The following GALNT17 variants were observed in gnomAD, a reference collection of about 807,000 sequenced individuals.
The protein encoded by GALNT17 is UDP-GalNAc:polypeptide N-acetylgalactosaminyltransferase-like 3.
A neutral mutation model predicts 63.7 loss-of-function variants in GALNT17; 29 were observed. The ratio of observed to expected loss-of-function variants is 0.46; its 90% CI spans 0.34 to 0.62. The LOEUF (loss-of-function observed/expected upper bound fraction) is 0.62, where lower values mean the gene tolerates loss of function less well. GALNT17 is among the 20% of genes least tolerant of loss of function. The pLI is 0.01. For synonymous variants in GALNT17, 305 were observed against 318.3 expected, an observed-to-expected ratio of 0.96 and a Z score of 0.45; for missense variants, 603 against 799.6, an observed-to-expected ratio of 0.75 and a Z score of 2.97.
Position 71,587,468 on chromosome 7 carries a change from TTTG to T in GALNT17, c.1080+16073_1080+16075del, listed in dbSNP as rs550467428. On this transcript the variant is annotated intron_variant, in intron 6 of 10. Coordinates refer to ENST00000333538, the MANE Select transcript of GALNT17 (RefSeq NM_022479.3). ...ATTTTTAAACATCATGTTTTTTCAT[TTTG>T]TTGTTGATTTCCAGGGGTCTGTGGT... Among the ~76,000 whole-genome samples, 307 of 152,278 alleles carry T rather than the reference TTTG, an allele frequency of 2.0e-3. 3 individuals carry two copies. Among genetic ancestry groups the T allele is most frequent in the Admixed American group, 5.0e-3 (77 of 15,288 alleles).
chr7:71,211,908 A>G (rs1376555462), intron 1 of GALNT17, among the ~76,000 whole-genome samples: 1 of 152,210 alleles, frequency 6.6e-6, no homozygotes, highest in Non-Finnish European at 1.5e-5. Flanking sequence ...TGAGTTTTAT[A>G]AGGGAAACAG....
intron 6 of GALNT17, among the ~76,000 whole-genome samples, chr7:71,650,653 T>G (rs754017262): frequency 6.6e-6 from 1 of 152,202 alleles, no homozygotes; most frequent in South Asian, 2.1e-4. Context: ...AATTCACTAT[T>G]CTTTTATAGT....
chr7:71,704,575 A>G (rs1791696570), intron 9 of GALNT17, among the ~76,000 whole-genome samples: 2 of 151,754 alleles, frequency 1.3e-5, no homozygotes, highest in South Asian at 4.2e-4. Context: ...AACAGTATTG[A>G]AAAAGAACAA....
chr7:71,467,612 C>T (rs1376020118), intron 5 of GALNT17, among the ~76,000 whole-genome samples: 2 of 151,986 alleles, frequency 1.3e-5, no homozygotes, highest in Non-Finnish European at 2.9e-5. Flanking sequence ...GGAGTAATTT[C>T]TGCATGTGAA....
chr7:71,186,254 C>T (rs1788849031), intron 1 of GALNT17, among the ~76,000 whole-genome samples: 1 of 152,160 alleles, frequency 6.6e-6, no homozygotes, highest in South Asian at 2.1e-4. Flanking sequence ...TCTCTACTCC[C>T]CTTTCCCCTT....
At chr7:71,469,183 A>G (rs187031475) in intron 5 of GALNT17, among the ~76,000 whole-genome samples, 190 of 152,266 alleles carry the variant, frequency 1.2e-3, no homozygotes, top group African/African-American at 4.1e-3. Flanking sequence ...TGGAAGGCCA[A>G]TGACTGCAAG....
At chr7:71,419,185 T>G (rs78648404) in intron 4 of GALNT17, among the ~76,000 whole-genome samples, 1,646 of 152,336 alleles carry the variant, frequency 0.011, 33 homozygotes, top group African/African-American at 0.038. Flanking sequence ...TTCTAATGCA[T>G]GATCTGGACT....
chr7:71,571,194 G>C, intron 5 of GALNT17, 91 bp from the exon 6 acceptor site: 1 of 1,110,778 alleles, frequency 9.0e-7, no homozygotes, highest in Non-Finnish European at 1.4e-6. Flanking sequence ...GTACATGCTA[G>C]ACCGGAACCA....
At chr7:71,377,114 A>AAAAAAAAATAT in intron 2 of GALNT17, among the ~76,000 whole-genome samples, 13 of 57,460 alleles carry the variant, frequency 2.3e-4, no homozygotes, top group African/African-American at 5.6e-4. Context: ...AAATAAAAAA[A>AAAAAAAAATAT]ATATATATAT....
chr7:71,548,322 T>C (rs935736035), intron 5 of GALNT17, among the ~76,000 whole-genome samples: 2 of 152,146 alleles, frequency 1.3e-5, no homozygotes, highest in African/African-American at 4.8e-5. Context: ...TGCATTCCTG[T>C]CACACTGTGC....
At chr7:71,194,297 A>G (rs1202658) in intron 1 of GALNT17, among the ~76,000 whole-genome samples, 56,449 of 152,090 alleles carry the variant, frequency 0.37, 12,622 homozygotes, top group African/African-American at 0.61. Context: ...CACTGAGCTT[A>G]GACTGTGGTC....
At chr7:71,596,847 T>C (rs1227657214) in intron 6 of GALNT17, among the ~76,000 whole-genome samples, 5 of 151,968 alleles carry the variant, frequency 3.3e-5, no homozygotes, top group Non-Finnish European at 5.9e-5. Flanking sequence ...GAGTTTGGGC[T>C]GGAGGAGACC....
At chr7:71,698,123 CAA>C (rs10708106) in intron 9 of GALNT17, among the ~76,000 whole-genome samples, 15 of 107,712 alleles carry the variant, frequency 1.4e-4, no homozygotes, top group South Asian at 2.9e-4. Context: ...GACTCTGTCT[CAA>C]AAAAAAAAAA....
At chr7:71,689,691 T>A (rs1791412410) in intron 9 of GALNT17, among the ~76,000 whole-genome samples, 1 of 152,224 alleles carries the variant, frequency 6.6e-6, no homozygotes, top group African/African-American at 2.4e-5. Flanking sequence ...AAGATCTAGC[T>A]AAACTCATTG....
chr7:71,591,816 C>T (rs1789806399), intron 6 of GALNT17, among the ~76,000 whole-genome samples: 1 of 151,996 alleles, frequency 6.6e-6, no homozygotes, highest in African/African-American at 2.4e-5. Context: ...GCGCATGCCA[C>T]CACGCCCAGC....
chr7:71,486,679 G>A (rs975626937), intron 5 of GALNT17, among the ~76,000 whole-genome samples: 10 of 151,086 alleles, frequency 6.6e-5, no homozygotes, highest in Non-Finnish European at 1.2e-4. Flanking sequence ...AACATAGTGA[G>A]ATCCCATCTC....
chr7:71,573,260 T>C (rs1185519153), intron 6 of GALNT17, among the ~76,000 whole-genome samples: 1 of 152,108 alleles, frequency 6.6e-6, no homozygotes, highest in African/African-American at 2.4e-5. Flanking sequence ...TCTTCCCGCC[T>C]CGGCCTCCCA....
At chr7:71,296,137 T>G (rs1234021687) in intron 1 of GALNT17, among the ~76,000 whole-genome samples, 1 of 152,170 alleles carries the variant, frequency 6.6e-6, no homozygotes, top group Non-Finnish European at 1.5e-5. Flanking sequence ...TGGGCAATGT[T>G]TTGTTTGTCT....
intron 9 of GALNT17, among the ~76,000 whole-genome samples, chr7:71,696,481 A>G (rs1293624587): frequency 1.3e-5 from 2 of 152,172 alleles, no homozygotes; most frequent in African/African-American, 4.8e-5. Flanking sequence ...ATCAAGAGAA[A>G]GGCCTCTAAT....
Sources: allele counts gnomAD v4.1 joint callset (sites outside exome capture counted in the v4.1 genomes callset), GRCh38; gene constraint gnomAD v4.1.1; transcripts MANE v1.5; gene names NCBI Gene and HGNC (gene_info 2026-07-23, HGNC 2026-07-21).